Variants in ASTN2 observed in about 807,000 individuals in gnomAD.
ASTN2 encodes the protein astrotactin-2.
A neutral mutation model predicts 139.8 loss-of-function variants in ASTN2; 54 were observed. The ratio of observed to expected loss-of-function variants is 0.39; its 90% CI spans 0.31 to 0.48. ASTN2 has a LOEUF of 0.48. Ranked by LOEUF, ASTN2 falls within the 20% of genes least tolerant of loss-of-function variation. The pLI, the probability that ASTN2 is intolerant of heterozygous loss-of-function variation, is 0.95. For synonymous variants in ASTN2, 756 were observed against 719.5 expected (o/e 1.05, Z -0.81); for missense variants, 1,565 against 1,725.1 (o/e 0.91, Z 1.64).
chr9:116,883,856 C>T (rs905589247), intron 10 of ASTN2, among the ~76,000 whole-genome samples: 4 of 152,200 alleles, frequency 2.6e-5, no homozygotes, highest in Non-Finnish European at 2.9e-5. Context: ...TCATTCAGAG[C>T]TTCTGGATTT....
At chr9:117,144,660 G>GTTTTTTTTTTTTTTTT (rs71379267) in intron 3 of ASTN2, among the ~76,000 whole-genome samples, 5 of 78,348 alleles carry the variant, frequency 6.4e-5, no homozygotes, top group African/African-American at 2.4e-4. Flanking sequence ...GTGAACACTA[G>GTTTTTTTTTTTTTTTT]TTTTTTTTTT....
chr9:116,572,685 G>A (rs905369053), intron 19 of ASTN2, among the ~76,000 whole-genome samples: 1 of 152,182 alleles, frequency 6.6e-6, no homozygotes, highest in African/African-American at 2.4e-5. Context: ...ATTTATGTTT[G>A]AGGAAGTCAG....
At chr9:117,350,540 C>T (rs550002496) in intron 1 of ASTN2, among the ~76,000 whole-genome samples, 77 of 143,116 alleles carry the variant, frequency 5.4e-4, no homozygotes, top group Non-Finnish European at 9.5e-4. Flanking sequence ...GGCAACAGAA[C>T]GAGACTCCAT....
At chr9:117,128,298 C>T (rs536764346) in intron 4 of ASTN2, among the ~76,000 whole-genome samples, 5 of 134,120 alleles carry the variant, frequency 3.7e-5, no homozygotes, top group Non-Finnish European at 7.7e-5. Flanking sequence ...TGCTTGAACC[C>T]GGGAGGTGGA....
chr9:116,987,450 C>G (rs1412145130), intron 7 of ASTN2, among the ~76,000 whole-genome samples: 6 of 152,192 alleles, frequency 3.9e-5, no homozygotes, highest in African/African-American at 1.4e-4. Flanking sequence ...TCCACTGGCC[C>G]CCTTCACTCT....
chr9:116,695,839 T>A (rs370383245), intron 16 of ASTN2, among the ~76,000 whole-genome samples: 1 of 152,162 alleles, frequency 6.6e-6, no homozygotes, highest in Non-Finnish European at 1.5e-5. Context: ...ATGGTTTGTA[T>A]TGGGTGACGC....
intron 4 of ASTN2, among the ~76,000 whole-genome samples, chr9:117,126,733 A>C (rs1829697516): frequency 6.6e-6 from 1 of 152,230 alleles, no homozygotes; most frequent in Admixed American, 6.5e-5. Flanking sequence ...TACTCCAGTG[A>C]ACGTTTAATA....
intron 19 of ASTN2, among the ~76,000 whole-genome samples, chr9:116,512,769 T>C (rs1850455425): frequency 6.6e-6 from 1 of 152,202 alleles, no homozygotes; most frequent in South Asian, 2.1e-4. Flanking sequence ...GCCTTCTTTG[T>C]CTCTTTTGAT....
At chr9:116,886,290 T>C (rs1833594274) in intron 10 of ASTN2, among the ~76,000 whole-genome samples, 15 of 152,270 alleles carry the variant, frequency 9.9e-5, no homozygotes, top group Admixed American at 9.8e-4. Flanking sequence ...GTAGAGACAG[T>C]GCTGGTCTGT....
chr9:116,978,495 G>GCGCGCACACA (rs762311934), intron 7 of ASTN2, among the ~76,000 whole-genome samples: 4 of 127,644 alleles, frequency 3.1e-5, no homozygotes, highest in Non-Finnish European at 6.9e-5. Flanking sequence ...TCTCTCTCAC[G>GCGCGCACACA]CACACACACA....
chr9:117,007,269 T>C (rs532006018), intron 7 of ASTN2, among the ~76,000 whole-genome samples: 57 of 152,278 alleles, frequency 3.7e-4, no homozygotes, highest in African/African-American at 1.3e-3. Flanking sequence ...TCTTTTCCCC[T>C]ACACCGGCAT....
intron 1 of ASTN2, among the ~76,000 whole-genome samples, chr9:117,390,281 C>CT (rs1357584676): frequency 5.3e-5 from 8 of 152,096 alleles, no homozygotes; most frequent in African/African-American, 1.9e-4. Context: ...ACAGTCGTCC[C>CT]TATTATTTAC....
chr9:116,961,919 C>T (rs1230340028), intron 10 of ASTN2, among the ~76,000 whole-genome samples: 2 of 152,182 alleles, frequency 1.3e-5, no homozygotes, highest in Non-Finnish European at 2.9e-5. Flanking sequence ...TGCATCAATT[C>T]ACTTGATTCT....
intron 17 of ASTN2, among the ~76,000 whole-genome samples, chr9:116,646,355 C>T (rs569159445): frequency 6.6e-6 from 1 of 152,184 alleles, no homozygotes; most frequent in South Asian, 2.1e-4. Context: ...AAGCCCAGGC[C>T]CCTCAACTAT....
intron 16 of ASTN2, among the ~76,000 whole-genome samples, chr9:116,682,471 T>C (rs1172482429): frequency 1.3e-5 from 2 of 152,202 alleles, no homozygotes. Flanking sequence ...AGTGTGGCAA[T>C]TCCTCAGGGA....
intron 10 of ASTN2, among the ~76,000 whole-genome samples, chr9:116,941,300 G>T (rs1835221489): frequency 6.6e-6 from 1 of 151,634 alleles, no homozygotes; most frequent in South Asian, 2.1e-4. Context: ...TTGTGATTCT[G>T]GCCTGACTTT....
chr9:116,686,899 C>G, intron 16 of ASTN2: 5 of 1,520,450 alleles, frequency 3.3e-6, no homozygotes, highest in Non-Finnish European at 4.4e-6. Flanking sequence ...CTCGACTTCC[C>G]CAGAATGGAA....
At chr9:117,401,904 G>A (rs1157572363) in intron 1 of ASTN2, among the ~76,000 whole-genome samples, 1 of 152,148 alleles carries the variant, frequency 6.6e-6, no homozygotes, top group Admixed American at 6.5e-5. Context: ...ACAAGCAATT[G>A]TTTAGATTTG....
chr9:117,167,116 G>A (rs565977565), intron 3 of ASTN2, among the ~76,000 whole-genome samples: 2 of 151,932 alleles, frequency 1.3e-5, no homozygotes, highest in Non-Finnish European at 2.9e-5. Context: ...GGTAAGATTA[G>A]GAAAAATACC....
Sources: allele counts gnomAD v4.1 joint callset (sites outside exome capture counted in the v4.1 genomes callset), GRCh38; gene constraint gnomAD v4.1.1; transcripts MANE v1.5; gene names NCBI Gene and HGNC (gene_info 2026-07-23, HGNC 2026-07-21).